Variants in GABRB1 observed in about 807,000 individuals in gnomAD.
The protein encoded by GABRB1 is gamma-aminobutyric acid type A receptor subunit beta1, also known as gamma-aminobutyric acid receptor subunit beta-1.
GABRB1 carries 17 observed loss-of-function variants against 51.6 expected under a neutral mutation model. The observed-to-expected ratio is 0.33, with a 90% CI of 0.23 to 0.49. GABRB1 has a LOEUF of 0.49. Ranked by LOEUF, GABRB1 falls within the 20% of genes least tolerant of loss-of-function variation. GABRB1 has a pLI of 0.99. For missense variants in GABRB1, 410 were observed against 600.6 expected (o/e 0.68, Z 3.32); for synonymous variants, 247 against 218.9 (o/e 1.13, Z -1.14).
At chr4:47,116,494 A>T (rs1715485247) in intron 3 of GABRB1, among the ~76,000 whole-genome samples, 1 of 152,218 alleles carries the variant, frequency 6.6e-6, no homozygotes, top group African/African-American at 2.4e-5. Flanking sequence ...ATTTTTCTTC[A>T]TTCACTGTCT....
rs1284655051 is a variant in GABRB1, at chr4:47,241,228, G to GA, written c.462-78895dup. Among the ~76,000 whole-genome samples, 14 of 152,208 alleles carry GA rather than the reference G, an allele frequency of 9.2e-5. 1 individual carries two copies. Among genetic ancestry groups the GA allele is most frequent in the Admixed American group, 7.2e-4 (11 of 15,268 alleles). On this transcript the variant is annotated intron_variant, in intron 4 of 8. Coordinates refer to ENST00000295454, the MANE Select transcript of GABRB1 (RefSeq NM_000812.4). Reference sequence around the variant, plus strand: ...GTGGCAACAATAGAGCTTTCATGCTGAAAATTACAATTTTCTTTTTTTTCC... The same window carrying GA: ...GTGGCAACAATAGAGCTTTCATGCTGAAAAATTACAATTTTCTTTTTTTTCC...
intron 5 of GABRB1, among the ~76,000 whole-genome samples, chr4:47,363,244 T>TTGTCCA (rs1301140372): frequency 6.6e-6 from 1 of 152,184 alleles, no homozygotes. Flanking sequence ...TTGAAGTAAC[T>TTGTCCA]TGTCCATAGT....
chr4:47,335,008 C>T (rs1334526822), intron 5 of GABRB1, among the ~76,000 whole-genome samples: 2 of 152,164 alleles, frequency 1.3e-5, no homozygotes, highest in East Asian at 1.9e-4. Flanking sequence ...AATGTGTCAA[C>T]AGTAGAAAAG....
At chr4:47,376,663 A>G (rs1727392866) in intron 5 of GABRB1, among the ~76,000 whole-genome samples, 1 of 152,104 alleles carries the variant, frequency 6.6e-6, no homozygotes, top group Admixed American at 6.5e-5. Context: ...AAAAAACAAA[A>G]AAGAAGCCAT....
chr4:47,425,682 C>T lies in GABRB1; in HGVS notation c.1089C>T (p.Ala363=). 6.3e-7 allele frequency: 1 copy of T among 1,596,902 alleles called. No homozygotes were observed. The highest frequency in any genetic ancestry group is 8.5e-7 in the Non-Finnish European group (1 of 1,170,240). The change falls in exon 9 of 9, where the codon GCC becomes GCT. Residue 363 remains alanine (A), a synonymous_variant. Transcript: ENST00000295454. ...GTTCTTTTTGCCATCAGGTCGACGC[C>T]CACGGTAACATTCTCCTCAGCACCC... ...KLEMNKVQVD[A]HGNILLSTLE...
intron 1 of GABRB1, among the ~76,000 whole-genome samples, chr4:47,007,343 TCTGA>T (rs991143685): frequency 2.2e-4 from 33 of 152,180 alleles, no homozygotes; most frequent in African/African-American, 7.5e-4. Context: ...TCTCAATTTA[TCTGA>T]ACCTCAATTA....
intron 4 of GABRB1, among the ~76,000 whole-genome samples, chr4:47,227,786 T>C (rs542189720): frequency 7.9e-5 from 12 of 152,224 alleles, no homozygotes; most frequent in Admixed American, 7.2e-4. Flanking sequence ...AATCTCAACA[T>C]TAAGGTGTCA....
At chr4:47,019,625 C>CTCTCTCTCTCTCTTTCTTTCTTTCTT (rs1274221477) in intron 1 of GABRB1, among the ~76,000 whole-genome samples, 133 of 91,092 alleles carry the variant, frequency 1.5e-3, no homozygotes, top group African/African-American at 5.3e-3. Context: ...TTCTTTCTCT[C>CTCTCTCTCTCTCTTTCTTTCTTTCTT]TCTTTCTTTC....
intron 3 of GABRB1, among the ~76,000 whole-genome samples, chr4:47,090,757 T>C (rs2109585372): frequency 6.6e-6 from 1 of 152,314 alleles, no homozygotes; most frequent in East Asian, 1.9e-4. Flanking sequence ...CTAGAGAGTA[T>C]GGACCAGTGC....
chr4:47,040,725 C>T (rs1158114679), intron 3 of GABRB1, among the ~76,000 whole-genome samples: 8 of 152,126 alleles, frequency 5.3e-5, no homozygotes, highest in Non-Finnish European at 1.2e-4. Context: ...GTGAGCTCTA[C>T]AGAGATAGAT....
chr4:47,350,125 T>C (rs1371285838), intron 5 of GABRB1, among the ~76,000 whole-genome samples: 2 of 149,378 alleles, frequency 1.3e-5, no homozygotes, highest in African/African-American at 4.9e-5. Flanking sequence ...ATTGTATTTA[T>C]TACTTTACAT....
At chr4:47,069,861 G>T (rs1471584019) in intron 3 of GABRB1, among the ~76,000 whole-genome samples, 3 of 151,680 alleles carry the variant, frequency 2.0e-5, no homozygotes, top group Non-Finnish European at 4.4e-5. Flanking sequence ...TTCTTTCCAT[G>T]CATTTCCTTT....
chr4:47,139,881 T>C (rs1292873150), intron 3 of GABRB1, among the ~76,000 whole-genome samples: 1 of 151,960 alleles, frequency 6.6e-6, no homozygotes, highest in African/African-American at 2.4e-5. Flanking sequence ...ACACTTTTAA[T>C]AGAAATGTTC....
At chr4:47,387,011 C>T (rs910665652) in intron 5 of GABRB1, among the ~76,000 whole-genome samples, 18 of 152,278 alleles carry the variant, frequency 1.2e-4, no homozygotes, top group Admixed American at 1.0e-3. Flanking sequence ...GATTAAAGAC[C>T]TGATTCATCC....
At chr4:47,347,717 T>C (rs773242175) in intron 5 of GABRB1, among the ~76,000 whole-genome samples, 1 of 152,212 alleles carries the variant, frequency 6.6e-6, no homozygotes, top group East Asian at 1.9e-4. Context: ...AATGTGGATA[T>C]TGAAGTTTTT....
chr4:47,226,241 TA>T (rs1720939812), intron 4 of GABRB1, among the ~76,000 whole-genome samples: 1 of 152,130 alleles, frequency 6.6e-6, no homozygotes, highest in African/African-American at 2.4e-5. Context: ...AATTAATTAG[TA>T]AATATGAAGT....
chr4:47,042,252 T>C (rs1725877876), intron 3 of GABRB1, among the ~76,000 whole-genome samples: 1 of 151,226 alleles, frequency 6.6e-6, no homozygotes, highest in South Asian at 2.1e-4. Context: ...GTCTACCTTA[T>C]ACTTTAATCT....
At chr4:47,070,509 T>C (rs1048807575) in intron 3 of GABRB1, among the ~76,000 whole-genome samples, 1 of 151,832 alleles carries the variant, frequency 6.6e-6, no homozygotes, top group Non-Finnish European at 1.5e-5. Context: ...TTTTTGTATT[T>C]TTAGTACAGA....
At chr4:46,999,924 C>T (rs1476105665) in intron 1 of GABRB1, among the ~76,000 whole-genome samples, 1 of 152,198 alleles carries the variant, frequency 6.6e-6, no homozygotes, top group Non-Finnish European at 1.5e-5. Context: ...ACTTTCCAGA[C>T]CTCCTCTTTC....
Sources: allele counts gnomAD v4.1 joint callset (sites outside exome capture counted in the v4.1 genomes callset), GRCh38; gene constraint gnomAD v4.1.1; transcripts MANE v1.5; gene names NCBI Gene and HGNC (gene_info 2026-07-23, HGNC 2026-07-21).